Variants in MYSM1 observed in about 807,000 individuals in gnomAD.
MYSM1 encodes deubiquitinase MYSM1.
In MYSM1, 51 loss-of-function variants were observed where a neutral mutation model predicts 116.0. The observed-to-expected ratio is 0.44, with a 90% CI of 0.35 to 0.56. The LOEUF (loss-of-function observed/expected upper bound fraction) is 0.56. MYSM1 is among the 20% of genes least tolerant of loss of function. The pLI is 0.00. For synonymous variants in MYSM1, 313 were observed against 315.2 expected, an observed-to-expected ratio of 0.99 and a Z score of 0.07; for missense variants, 900 against 974.9, an observed-to-expected ratio of 0.92 and a Z score of 1.02.
intron 1 of MYSM1, among the ~76,000 whole-genome samples, chr1:58,696,951 A>G (rs899122853): frequency 6.6e-6 from 1 of 152,248 alleles, no homozygotes; most frequent in Admixed American, 6.5e-5. Flanking sequence ...AGATCTGGAT[A>G]TAAGAAAGAT....
chr1:58,668,583 C>G, intron 14 of MYSM1, 49 bp downstream of exon 14: 1 of 1,551,720 alleles, frequency 6.4e-7, no homozygotes, highest in Middle Eastern at 1.7e-4. Flanking sequence ...TAAAAATACA[C>G]AAGAGTAGAA....
chr1:58,692,836 T>C lies in MYSM1; in HGVS notation c.218+25A>G, dbSNP rs201259633. The C allele has an allele frequency of 2.5e-6, 4 of 1,576,490 alleles. No individual in the cohort carries two copies. In the African/African-American group the frequency reaches 4.1e-5, roughly 16 times the overall value. ...ATTTTTTTCACCCTGAAACCTGTAC[T>C]TTCCTCATAATCATTAAAGGATACT... On this transcript the variant is annotated intron_variant, in intron 3 of 19. Coordinates refer to ENST00000472487, the MANE Select transcript of MYSM1 (RefSeq NM_001085487.3).
chr1:58,674,222 T>C (rs1449988890), intron 10 of MYSM1, among the ~76,000 whole-genome samples: 2 of 152,162 alleles, frequency 1.3e-5, no homozygotes, highest in Admixed American at 1.3e-4. Flanking sequence ...TTTCAACCAC[T>C]TGTGGTAGAA....
intron 8 of MYSM1, among the ~76,000 whole-genome samples, chr1:58,680,708 G>A (rs1366736805): frequency 6.6e-6 from 1 of 152,118 alleles, no homozygotes; most frequent in Non-Finnish European, 1.5e-5. Context: ...ATACAAAAGA[G>A]AACAAAGGAC....
chr1:58,698,836 T>TGTCA (rs1645021521), intron 1 of MYSM1, among the ~76,000 whole-genome samples: 1 of 152,180 alleles, frequency 6.6e-6, no homozygotes, highest in Admixed American at 6.5e-5. Flanking sequence ...CATATGAGTT[T>TGTCA]AATCACCCCT....
rs754489559 is a variant in MYSM1, at chr1:58,658,406, C to T, written c.*1591G>A. The T allele has an allele frequency of 5.1e-4, 78 of 151,620 alleles. No homozygotes were observed. Among genetic ancestry groups the T allele is most frequent in the South Asian group, 2.1e-4 (1 of 4,810 alleles). The allele number at this position is 151,620 out of a possible 1,614,324, so 9.4% of individuals were successfully genotyped here. A position where few individuals can be genotyped will look rare whatever the true frequency, so the allele number is the denominator to read the frequency against. ...TATAAACTTCACAAGAGTAGTCCAA[C>T]GATTAGAATGAACAATAAAATTTTA... On this transcript the variant is annotated 3_prime_UTR_variant, in exon 20 of 20. Coordinates refer to ENST00000472487, the MANE Select transcript of MYSM1 (RefSeq NM_001085487.3).
chr1:58,682,867 T>C (rs1057080132), intron 7 of MYSM1, among the ~76,000 whole-genome samples: 3 of 152,134 alleles, frequency 2.0e-5, no homozygotes, highest in African/African-American at 7.2e-5. Flanking sequence ...GGCTAATTTT[T>C]TGTATTTTTA....
rs367958889 is a variant in MYSM1, at chr1:58,659,952, T to G, written c.*45A>C. ...CACTTCAAGTTTATAACTTTGAAAG[T>G]AAGATCTACTGTGTCAAGATTAAAA... On this transcript the variant is annotated 3_prime_UTR_variant, in exon 20 of 20. Transcript: ENST00000472487. 10 of 1,223,844 alleles carry G rather than the reference T, an allele frequency of 8.2e-6. No homozygotes were observed. In the African/African-American group the frequency reaches 1.6e-4, roughly 19 times the overall value. The allele number at this position is 1,223,844 out of a possible 1,614,324, so 75.8% of individuals were successfully genotyped here. A position where few individuals can be genotyped will look rare whatever the true frequency, so the allele number is the denominator to read the frequency against.
chr1:58,674,449 T>G (rs891026001), intron 10 of MYSM1, among the ~76,000 whole-genome samples: 1 of 152,162 alleles, frequency 6.6e-6, no homozygotes, highest in East Asian at 1.9e-4. Flanking sequence ...TAGCACCATA[T>G]CCAGCAACTC....
chr1:58,662,514 T>C (rs1402113874), intron 17 of MYSM1, among the ~76,000 whole-genome samples: 2 of 148,410 alleles, frequency 1.3e-5, no homozygotes, highest in African/African-American at 5.0e-5. Flanking sequence ...AACCTGCTCA[T>C]GATCAGATAT....
At chr1:58,693,456 A>G (rs1038712877) in intron 2 of MYSM1, among the ~76,000 whole-genome samples, 14 of 152,160 alleles carry the variant, frequency 9.2e-5, no homozygotes, top group African/African-American at 3.4e-4. Flanking sequence ...AGAACTTAAC[A>G]TATCTAAAAC....
chr1:58,656,929 A>G lies in MYSM1; in HGVS notation c.*3068T>C, dbSNP rs1041163259. 6.6e-6 allele frequency: 1 copy of G among 152,202 alleles called. No homozygotes were observed. Among genetic ancestry groups the G allele is most frequent in the African/African-American group, 2.4e-5 (1 of 41,448 alleles). The allele number at this position is 152,202 out of a possible 1,614,324, so 9.4% of individuals were successfully genotyped here. Reference sequence around the variant, plus strand: ...CATTTCATACAGATACAATTGTAAAATATCACTTTTAATTTTGTATGGAAG... The same window carrying G: ...CATTTCATACAGATACAATTGTAAAGTATCACTTTTAATTTTGTATGGAAG... On this transcript the variant is annotated 3_prime_UTR_variant, in exon 20 of 20. Coordinates refer to ENST00000472487, the MANE Select transcript of MYSM1 (RefSeq NM_001085487.3).
intron 1 of MYSM1, among the ~76,000 whole-genome samples, chr1:58,697,878 C>T (rs946237839): frequency 7.3e-5 from 11 of 151,112 alleles, no homozygotes; most frequent in African/African-American, 2.7e-4. Flanking sequence ...CATGAGCCAC[C>T]GCACCCAGCC....
rs935893030 is a variant in MYSM1, at chr1:58,665,491, A to G, written c.2164+8T>C. 5.7e-6 allele frequency: 9 copies of G among 1,576,250 alleles called. No individual in the cohort carries two copies. The highest frequency in any genetic ancestry group is 7.7e-6 in the Non-Finnish European group (9 of 1,162,640). ...AAGAGGATAAAGTTATTTTTGTTGA[A>G]AACTTACGATAAGAGCCATCTGGGC... is the stretch of plus-strand genomic sequence containing the variant. On this transcript the variant is annotated splice_region_variant and intron_variant, in intron 17 of 19. Coordinates refer to ENST00000472487, the MANE Select transcript of MYSM1 (RefSeq NM_001085487.3).
intron 1 of MYSM1, among the ~76,000 whole-genome samples, chr1:58,698,102 A>ATTTTTT (rs1553140002): frequency 1.3e-4 from 1 of 7,766 alleles, no homozygotes; most frequent in African/African-American, 2.6e-4. Context: ...ATATATATAT[A>ATTTTTT]TTTTTTTTTT....
At chr1:58,684,333 A>C (rs1174178431) in intron 7 of MYSM1, among the ~76,000 whole-genome samples, 2 of 152,152 alleles carry the variant, frequency 1.3e-5, no homozygotes, top group Non-Finnish European at 2.9e-5. Flanking sequence ...TGGGAGGCCG[A>C]GGCGGGTGGA....
At chr1:58,675,359 G>A (rs1203677610) in intron 10 of MYSM1, 118 bp downstream of exon 10, 1 of 700,468 alleles carries the variant, frequency 1.4e-6, no homozygotes, top group African/African-American at 1.8e-5. Flanking sequence ...AAACACAAGA[G>A]GAAACATGTT....
At chr1:58,678,324 T>C (rs1644684883) in intron 8 of MYSM1, among the ~76,000 whole-genome samples, 1 of 151,944 alleles carries the variant, frequency 6.6e-6, no homozygotes, top group Admixed American at 6.6e-5. Flanking sequence ...ATGAAAGCAA[T>C]AAAGCAGGCA....
In MYSM1 at chr1:58,682,231, G is replaced by C. The variant is rs1644756343; in HGVS notation, c.813C>G (p.Leu271=). The C allele has an allele frequency of 1.2e-6, 2 of 1,612,886 alleles. No homozygotes were observed. The highest frequency in any genetic ancestry group is 8.5e-7 in the Non-Finnish European group (1 of 1,179,152). ...EFITSDSQEA[L]FSKSSRGCLQ... ...GACAGCCCCTGGAAGACTTAGAAAA[G>C]AGAGCTTCCTGGCTGTCAGAAGTAA... The change falls in exon 8 of 20, where the codon CTC becomes CTG. Residue 271 remains leucine, a synonymous_variant. Transcript: ENST00000472487.
Sources: gnomAD v4.1 joint callset for allele counts (sites outside exome capture counted in the v4.1 genomes callset) on GRCh38, gnomAD v4.1.1 for gene constraint, MANE v1.5 for transcripts, NCBI Gene and HGNC (gene_info 2026-07-23, HGNC 2026-07-21) for gene names.